Variants in ZNF536 observed in about 807,000 individuals in gnomAD.
The protein encoded by ZNF536 is zinc finger protein 536.
A neutral mutation model predicts 84.5 loss-of-function variants in ZNF536; 13 were observed. That is an observed-to-expected ratio of 0.15 (90% CI 0.10 to 0.24). ZNF536 has a LOEUF of 0.24. Ranked by LOEUF, ZNF536 falls within the 10% of genes least tolerant of loss-of-function variation. The probability of loss-of-function intolerance (pLI) is 1.00; values close to 1 mark genes in which losing one functional copy is unlikely to be tolerated. For missense variants in ZNF536, 1,536 were observed against 1,747.5 expected, an observed-to-expected ratio of 0.88 and a Z score of 2.16; for synonymous variants, 811 against 742.5, an observed-to-expected ratio of 1.09 and a Z score of -1.50.
intron 2 of ZNF536, among the ~76,000 whole-genome samples, chr19:30,290,048 C>T (rs971392641): frequency 6.6e-6 from 1 of 152,110 alleles, no homozygotes; most frequent in Non-Finnish European, 1.5e-5. Context: ...CATTCCAGGT[C>T]GTGGCATCCA....
At chr19:30,496,408 T>G (rs1233062299) in intron 2 of ZNF536, among the ~76,000 whole-genome samples, 1 of 152,180 alleles carries the variant, frequency 6.6e-6, no homozygotes, top group African/African-American at 2.4e-5. Context: ...AATGTTGTTT[T>G]AAGGCTCTTA....
At chr19:30,473,175 C>T (rs893636913) in intron 2 of ZNF536, among the ~76,000 whole-genome samples, 3 of 151,882 alleles carry the variant, frequency 2.0e-5, no homozygotes, top group Non-Finnish European at 4.4e-5. Flanking sequence ...CACTGCACTC[C>T]AGCCTGGGTG....
At chr19:30,334,790 G>A (rs2047327478) in intron 2 of ZNF536, among the ~76,000 whole-genome samples, 1 of 152,166 alleles carries the variant, frequency 6.6e-6, no homozygotes, top group African/African-American at 2.4e-5. Flanking sequence ...ATTTTTTCAT[G>A]GATGGAGTGG....
chr19:30,299,669 A>G (rs1043299176), intron 2 of ZNF536, among the ~76,000 whole-genome samples: 2 of 152,226 alleles, frequency 1.3e-5, no homozygotes, highest in African/African-American at 2.4e-5. Flanking sequence ...AGAACAATGC[A>G]TTCTGAGCAG....
intron 2 of ZNF536, among the ~76,000 whole-genome samples, chr19:30,287,500 A>G (rs1214639758): frequency 7.2e-6 from 1 of 139,466 alleles, no homozygotes; most frequent in South Asian, 2.5e-4. Context: ...ATGGATGAAT[A>G]GATGGGTGGG....
At chr19:30,477,653 G>A (rs2053906740) in intron 2 of ZNF536, among the ~76,000 whole-genome samples, 1 of 152,152 alleles carries the variant, frequency 6.6e-6, no homozygotes, top group Admixed American at 6.5e-5. Context: ...CACTGACAGG[G>A]GCTGTGTCTG....
chr19:30,501,674 T>G (rs892900262), intron 2 of ZNF536, among the ~76,000 whole-genome samples: 1 of 152,192 alleles, frequency 6.6e-6, no homozygotes, highest in East Asian at 1.9e-4. Flanking sequence ...AATGTTCACG[T>G]AGGTCAGTGG....
chr19:30,646,586 A>G (rs1178516015), intron 1 of ZNF536, among the ~76,000 whole-genome samples: 2 of 152,190 alleles, frequency 1.3e-5, no homozygotes, highest in African/African-American at 4.8e-5. Context: ...TTGATCACGC[A>G]CTGTCCAGAC....
At chr19:30,382,646 A>G (rs2049066965) in intron 1 of ZNF536, among the ~76,000 whole-genome samples, 1 of 151,884 alleles carries the variant, frequency 6.6e-6, no homozygotes, top group African/African-American at 2.4e-5. Context: ...CTTGTAAGTT[A>G]CTAATGCATC....
intron 1 of ZNF536, among the ~76,000 whole-genome samples, chr19:30,635,062 A>G (rs2049016292): frequency 1.1e-5 from 1 of 92,266 alleles, no homozygotes; most frequent in Admixed American, 1.2e-4. Flanking sequence ...GAGAGAAGAA[A>G]GCTGGGTGTG....
intron 1 of ZNF536, among the ~76,000 whole-genome samples, chr19:30,568,612 C>G (rs1013596533): frequency 2.6e-5 from 4 of 152,102 alleles, no homozygotes; most frequent in African/African-American, 9.7e-5. Flanking sequence ...CTATGACTCC[C>G]TGTCAATGGT....
In ZNF536 at chr19:30,410,564, T is replaced by A. The variant is rs921757630; in HGVS notation, c.-2-32997T>A. On this transcript the variant is annotated intron_variant, in intron 1 of 4. Coordinates refer to ENST00000355537, the MANE Select transcript of ZNF536 (RefSeq NM_014717.3). ...ATCTCGGCTCACTGCAAGCTCCGCC[T>A]CCCGGGTTCACGCCATTCTCCTGCC... 5.7e-5 allele frequency among the ~76,000 whole-genome samples: 8 copies of A among 141,404 alleles called. No homozygotes were observed. The Middle Eastern group carries it at 0.011, about 199-fold the overall frequency. 92.8% of individuals were successfully genotyped at this position (141,404 alleles called of 152,430 possible). A position where few individuals can be genotyped will look rare whatever the true frequency, so the allele number is the denominator to read the frequency against.
chr19:30,313,318 T>C (rs2046568535), intron 2 of ZNF536, among the ~76,000 whole-genome samples: 1 of 152,214 alleles, frequency 6.6e-6, no homozygotes, highest in Admixed American at 6.5e-5. Flanking sequence ...CTGGGCCTTC[T>C]GCTGGTGCCA....
intron 1 of ZNF536, among the ~76,000 whole-genome samples, chr19:30,575,058 G>T (rs1038756338): frequency 6.6e-6 from 1 of 152,162 alleles, no homozygotes; most frequent in African/African-American, 2.4e-5. Flanking sequence ...ACTCCTTGTT[G>T]TCTGTGCAGG....
chr19:30,704,803 C>G (rs1296771011), intron 1 of ZNF536, among the ~76,000 whole-genome samples: 1 of 152,150 alleles, frequency 6.6e-6, no homozygotes, highest in African/African-American at 2.4e-5. Context: ...CCACAGCCCC[C>G]TCAGCAGGAA....
At chr19:30,365,502 G>T (rs2048399480) in intron 3 of ZNF536, among the ~76,000 whole-genome samples, 1 of 152,184 alleles carries the variant, frequency 6.6e-6, no homozygotes, top group South Asian at 2.1e-4. Context: ...GGAAGATGCT[G>T]CCCAGGGAAT....
At chr19:30,265,515 T>C (rs2145360539) in intron 1 of ZNF536, among the ~76,000 whole-genome samples, 1 of 152,300 alleles carries the variant, frequency 6.6e-6, no homozygotes, top group East Asian at 1.9e-4. Context: ...GCGCTGAGTG[T>C]GTCTGAGGCG....
intron 1 of ZNF536, among the ~76,000 whole-genome samples, chr19:30,415,211 TC>T (rs1476881080): frequency 1.3e-5 from 1 of 75,622 alleles, no homozygotes; most frequent in Non-Finnish European, 2.5e-5. Context: ...TCCCTCCCCC[TC>T]CCCCTCCTCC....
chr19:30,251,544 A>T (rs896571735), intron 1 of ZNF536, among the ~76,000 whole-genome samples: 4 of 152,186 alleles, frequency 2.6e-5, no homozygotes, highest in African/African-American at 9.7e-5. Context: ...GTGGCCTTGA[A>T]ATTTAAAAAC....
Sources: gnomAD v4.1 joint callset for allele counts (sites outside exome capture counted in the v4.1 genomes callset) on GRCh38, gnomAD v4.1.1 for gene constraint, MANE v1.5 for transcripts, NCBI Gene and HGNC (gene_info 2026-07-23, HGNC 2026-07-21) for gene names.